MARCHF1: variants seen among roughly 807,000 people sequenced by gnomAD.
MARCHF1 encodes the protein membrane associated ring-CH-type finger 1, also known as E3 ubiquitin-protein ligase MARCHF1.
A neutral mutation model predicts 54.2 loss-of-function variants in MARCHF1; 40 were observed. The observed-to-expected ratio is 0.74, with a 90% CI of 0.57 to 0.96. The LOEUF is 0.96. Among genes scored for constraint, MARCHF1 ranks in the 40% least tolerant of loss-of-function variants. MARCHF1 has a pLI of 0.00. For synonymous variants in MARCHF1, 236 were observed against 236.3 expected (o/e 1.00, Z 0.01); for missense variants, 586 against 656.5 (o/e 0.89, Z 1.17).
intron 5 of MARCHF1, among the ~76,000 whole-genome samples, chr4:163,629,373 G>A (rs183312139): frequency 7.9e-5 from 12 of 152,208 alleles, no homozygotes; most frequent in Non-Finnish European, 1.3e-4. Context: ...GCTGAAACCG[G>A]ATCCCTTTTT....
intron 4 of MARCHF1, among the ~76,000 whole-genome samples, chr4:163,761,565 C>T (rs1746826831): frequency 1.3e-5 from 2 of 152,206 alleles, no homozygotes; most frequent in Admixed American, 6.5e-5. Flanking sequence ...ATGAGATCAG[C>T]CAGCAGGTAA....
intron 3 of MARCHF1, among the ~76,000 whole-genome samples, chr4:163,857,073 C>T (rs1438025969): frequency 1.4e-5 from 2 of 145,626 alleles, no homozygotes; most frequent in Non-Finnish European, 3.0e-5. Context: ...AAAGAAGCAG[C>T]ATGAGTATAG....
intron 3 of MARCHF1, among the ~76,000 whole-genome samples, chr4:163,928,592 A>G (rs1751588791): frequency 1.3e-5 from 2 of 152,000 alleles, no homozygotes; most frequent in African/African-American, 4.8e-5. Context: ...GTGAGTTGCT[A>G]TATTCTTTTT....
chr4:164,361,992 A>T (rs1730734601), intron 1 of MARCHF1, among the ~76,000 whole-genome samples: 1 of 152,070 alleles, frequency 6.6e-6, no homozygotes, highest in Non-Finnish European at 1.5e-5. Context: ...GGATACACTT[A>T]AGCTCATGGG....
chr4:164,237,866 C>T (rs1239401903), intron 1 of MARCHF1, among the ~76,000 whole-genome samples: 1 of 151,662 alleles, frequency 6.6e-6, no homozygotes, highest in Non-Finnish European at 1.5e-5. Context: ...TGGATACAAC[C>T]TACTATCTGT....
At chr4:164,050,561 T>G (rs192126792) in intron 2 of MARCHF1, among the ~76,000 whole-genome samples, 94 of 152,310 alleles carry the variant, frequency 6.2e-4, no homozygotes, top group African/African-American at 2.2e-3. Flanking sequence ...AACTTTCTGC[T>G]ACTCAAAACA....
At chr4:164,365,329 C>A (rs1192355034) in intron 1 of MARCHF1, among the ~76,000 whole-genome samples, 1 of 151,960 alleles carries the variant, frequency 6.6e-6, no homozygotes, top group African/African-American at 2.4e-5. Flanking sequence ...TACTTCCATT[C>A]GACTGTTTTA....
intron 7 of MARCHF1, among the ~76,000 whole-genome samples, chr4:163,602,113 CGTCA>C (rs1232516577): frequency 1.3e-5 from 2 of 151,632 alleles, no homozygotes; most frequent in Admixed American, 1.3e-4. Flanking sequence ...TGTGTGTGTG[CGTCA>C]GTGTCTTAAT....
intron 2 of MARCHF1, among the ~76,000 whole-genome samples, chr4:164,027,310 G>A (rs1289727254): frequency 2.4e-5 from 3 of 126,064 alleles, no homozygotes; most frequent in Non-Finnish European, 4.8e-5. Flanking sequence ...AAAGCTGGAG[G>A]CATCACAATA....
intron 1 of MARCHF1, among the ~76,000 whole-genome samples, chr4:164,161,329 G>A (rs1730229087): frequency 6.6e-6 from 1 of 152,094 alleles, no homozygotes; most frequent in Non-Finnish European, 1.5e-5. Context: ...AGTTTCATGA[G>A]GCCTCCCCAG....
At chr4:163,996,425 A>G (rs1381147475) in intron 2 of MARCHF1, among the ~76,000 whole-genome samples, 1 of 152,094 alleles carries the variant, frequency 6.6e-6, no homozygotes, top group Non-Finnish European at 1.5e-5. Context: ...TTCCAAAACA[A>G]TCAGCAGACT....
intron 2 of MARCHF1, among the ~76,000 whole-genome samples, chr4:164,051,998 T>A (rs1754378985): frequency 1.3e-5 from 2 of 151,660 alleles, no homozygotes; most frequent in African/African-American, 4.8e-5. Context: ...ACACTGAATT[T>A]ATTTATCTAT....
intron 5 of MARCHF1, among the ~76,000 whole-genome samples, chr4:163,636,580 T>C (rs1742334782): frequency 1.3e-5 from 2 of 150,876 alleles, no homozygotes; most frequent in Admixed American, 1.3e-4. Context: ...AAACCACTGC[T>C]CAAGAAAATA....
At chr4:163,967,274 G>A (rs746169702) in intron 3 of MARCHF1, among the ~76,000 whole-genome samples, 10 of 152,106 alleles carry the variant, frequency 6.6e-5, no homozygotes, top group Non-Finnish European at 1.0e-4. Context: ...GTTGACAGAG[G>A]TAAGGTCGCT....
intron 8 of MARCHF1, among the ~76,000 whole-genome samples, chr4:163,546,181 G>A (rs1738900016): frequency 6.6e-6 from 1 of 152,016 alleles, no homozygotes; most frequent in Non-Finnish European, 1.5e-5. Context: ...TCACCATGTT[G>A]CCTAGGCTAG....
At chr4:163,631,882 C>G (rs1229523919) in intron 5 of MARCHF1, among the ~76,000 whole-genome samples, 1 of 152,100 alleles carries the variant, frequency 6.6e-6, no homozygotes, top group Non-Finnish European at 1.5e-5. Context: ...AACCTACATA[C>G]AGAGAAAATA....
chr4:163,872,736 T>C (rs913927259), intron 3 of MARCHF1, among the ~76,000 whole-genome samples: 2 of 152,112 alleles, frequency 1.3e-5, no homozygotes, highest in African/African-American at 2.4e-5. Context: ...TTGACATTTA[T>C]TTAAAGATAA....
intron 1 of MARCHF1, among the ~76,000 whole-genome samples, chr4:164,199,583 C>T (rs898347583): frequency 6.8e-6 from 1 of 147,280 alleles, no homozygotes; most frequent in South Asian, 2.2e-4. Context: ...CTGCAGTAAG[C>T]GGAGATCACT....
At chr4:163,949,618 G>A (rs1287280367) in intron 3 of MARCHF1, among the ~76,000 whole-genome samples, 2 of 152,196 alleles carry the variant, frequency 1.3e-5, no homozygotes, top group Admixed American at 6.5e-5. Flanking sequence ...GGGCTTTACT[G>A]AGCAACAGAA....
Sources: allele counts gnomAD v4.1 joint callset (sites outside exome capture counted in the v4.1 genomes callset), GRCh38; gene constraint gnomAD v4.1.1; transcripts MANE v1.5; gene names NCBI Gene and HGNC (gene_info 2026-07-23, HGNC 2026-07-21).